The following COL4A6 variants were observed in gnomAD, a reference collection of about 807,000 sequenced individuals.
COL4A6 encodes the protein collagen type IV alpha 6 chain.
A neutral mutation model predicts 126.7 loss-of-function variants in COL4A6; 59 were observed. That is an observed-to-expected ratio of 0.47 (90% confidence interval 0.38 to 0.58). The LOEUF (loss-of-function observed/expected upper bound fraction) is 0.58, where lower values mean the gene tolerates loss of function less well. Ranked by LOEUF, COL4A6 falls within the 20% of genes least tolerant of loss-of-function variation. COL4A6 has a pLI of 0.00. For synonymous variants in COL4A6, 547 were observed against 496.6 expected, an observed-to-expected ratio of 1.10 and a Z score of -1.35; for missense variants, 1,285 against 1,337.3, an observed-to-expected ratio of 0.96 and a Z score of 0.61.
At chrX:108,413,387 G>A (rs2041367606) in intron 2 of COL4A6, among the ~76,000 whole-genome samples, 1 of 112,187 alleles carries the variant, frequency 8.9e-6, no homozygotes, top group African/African-American at 3.2e-5. Context: ...GATTCAGCAT[G>A]TTCTTTAGGA....
chrX:108,240,917 G>GA lies in COL4A6; in HGVS notation c.145-19544dup, dbSNP rs912382318. Among the ~76,000 whole-genome samples the GA allele has an allele frequency of 2.7e-5, 3 of 111,507 alleles. No homozygotes were observed. In the Admixed American group the frequency reaches 2.9e-4, roughly 11 times the overall value. On this transcript the variant is annotated intron_variant, in intron 3 of 44. Coordinates refer to ENST00000334504, the MANE Select transcript of COL4A6 (RefSeq NM_033641.4). ...TCCCCAAATTAACTTATGAAAAATG[G>GA]AGGGGGAAGTATCTCTGAAACTGAA...
chrX:108,157,096 C>T lies in COL4A6; in HGVS notation c.4977G>A (p.Arg1659=), dbSNP rs1318725182. Residue 1659 remains arginine (R), a synonymous_variant, in exon 45 of 45, where the codon AGG becomes AGA. Coordinates refer to ENST00000334504, the MANE Select transcript of COL4A6 (RefSeq NM_033641.4). ...YSFWLTTVEE[R]QQFGELPVSE... ...ACACAGGCAACTCCCCAAACTGCTG[C>T]CTCTCCTCCACTGTGGTCAACCAGA... is the stretch of plus-strand genomic sequence containing the variant. The T allele has an allele frequency of 8.3e-7, 1 of 1,211,909 alleles. No individual in the cohort carries two copies. Among genetic ancestry groups the T allele is most frequent in the Admixed American group, 2.2e-5 (1 of 46,061 alleles).
chrX:108,382,384 A>G (rs1258295855), intron 2 of COL4A6, among the ~76,000 whole-genome samples: 1 of 111,834 alleles, frequency 8.9e-6, no homozygotes, highest in African/African-American at 3.3e-5. Flanking sequence ...TGCCTGGCAC[A>G]TAATAAGTAC....
chrX:108,383,400 A>G (rs2040607131), intron 2 of COL4A6: 2 of 482,863 alleles, frequency 4.1e-6, no homozygotes, highest in Non-Finnish European at 7.8e-6. Context: ...ACCCTGACTC[A>G]AGCAGCATCC....
intron 2 of COL4A6, among the ~76,000 whole-genome samples, chrX:108,317,207 G>C (rs1049603219): frequency 3.6e-5 from 4 of 112,251 alleles, no homozygotes; most frequent in African/African-American, 1.3e-4. Context: ...GATTGGATGT[G>C]GGATGTGACT....
chrX:108,165,659 C>T (rs1469911039), intron 37 of COL4A6, among the ~76,000 whole-genome samples, 173 bp from the exon 38 acceptor site: 1 of 111,838 alleles, frequency 8.9e-6, no homozygotes, highest in African/African-American at 3.2e-5. Context: ...TCCCAGAAAG[C>T]AGACTAACTG....
chrX:108,189,691 C>T (rs1190740769), intron 20 of COL4A6, among the ~76,000 whole-genome samples: 1 of 112,365 alleles, frequency 8.9e-6, no homozygotes, highest in Non-Finnish European at 1.9e-5. Flanking sequence ...CATTTCTTAA[C>T]CAGACTCTAT....
intron 3 of COL4A6, among the ~76,000 whole-genome samples, chrX:108,284,218 A>G (rs2037938524): frequency 9.1e-6 from 1 of 109,686 alleles, no homozygotes; most frequent in Non-Finnish European, 1.9e-5. Flanking sequence ...ACTTAAAGAC[A>G]ACTGACACTG....
chrX:108,350,112 A>T (rs747609622), intron 2 of COL4A6, among the ~76,000 whole-genome samples: 14 of 111,890 alleles, frequency 1.3e-4, no homozygotes, highest in African/African-American at 3.9e-4. Context: ...AGATGGGAGA[A>T]ATTCTGTTGA....
intron 13 of COL4A6, 27 bp downstream of exon 13, chrX:108,202,901 A>G: frequency 8.5e-7 from 1 of 1,174,936 alleles, no homozygotes; most frequent in African/African-American, 1.8e-5. Context: ...ACCCTTGTAT[A>G]CATATTGATC....
chrX:108,312,276 A>ACTTTAT (rs2038781391), intron 2 of COL4A6, among the ~76,000 whole-genome samples: 1 of 112,262 alleles, frequency 8.9e-6, no homozygotes, highest in Non-Finnish European at 1.9e-5. Flanking sequence ...ATCTCTTTAG[A>ACTTTAT]CATTCCCACA....
intron 7 of COL4A6, among the ~76,000 whole-genome samples, chrX:108,211,119 C>G (rs2035688751): frequency 8.9e-6 from 1 of 111,832 alleles, no homozygotes; most frequent in Admixed American, 9.5e-5. Flanking sequence ...TCAGGCAACA[C>G]AGTCACAAGA....
At chrX:108,277,772 C>T (rs1225334480) in intron 3 of COL4A6, among the ~76,000 whole-genome samples, 1 of 110,984 alleles carries the variant, frequency 9.0e-6, no homozygotes. Context: ...CTCACATGGC[C>T]GGGTACTCCT....
At chrX:108,214,655 A>G (rs1447755055) in intron 5 of COL4A6, among the ~76,000 whole-genome samples, 1 of 112,320 alleles carries the variant, frequency 8.9e-6, no homozygotes, top group Non-Finnish European at 1.9e-5. Context: ...TCAGTATTGG[A>G]AGCTCTGCAT....
chrX:108,383,441 G>A, intron 2 of COL4A6: 1 of 496,438 alleles, frequency 2.0e-6, no homozygotes, highest in Non-Finnish European at 3.8e-6. Flanking sequence ...GGCTATCCCT[G>A]TGCCTCCTAC....
chrX:108,204,904 AT>A (rs748306819), intron 11 of COL4A6, among the ~76,000 whole-genome samples: 18 of 110,389 alleles, frequency 1.6e-4, no homozygotes, highest in Non-Finnish European at 3.4e-4. Flanking sequence ...TGAAATCACA[AT>A]GCAATTTGTA....
chrX:108,209,912 G>T, intron 8 of COL4A6, 57 bp downstream of exon 8: 3 of 1,152,833 alleles, frequency 2.6e-6, no homozygotes, highest in Non-Finnish European at 3.5e-6. Context: ...GAACGAAAAT[G>T]CACCATTAGT....
rs2033737128 is a variant in COL4A6 at position 108,156,322 on chromosome X, A to AGAT, written c.*675_*677dup. 2 of 111,584 alleles carry AGAT rather than the reference A, an allele frequency of 1.8e-5. No homozygotes were observed. Among genetic ancestry groups the AGAT allele is most frequent in the African/African-American group, 6.5e-5 (2 of 30,641 alleles). The allele number at this position is 111,584 out of a possible 1,213,427, so 9.2% of individuals were successfully genotyped here. A position where few individuals can be genotyped will look rare whatever the true frequency, so the allele number is the denominator to read the frequency against. On this transcript the variant is annotated 3_prime_UTR_variant, in exon 45 of 45. Transcript: ENST00000334504. ...GCTGGAGGGGGAGCCGGCAAGGAGGAGATGGTTTGTCTAGGACCATATGCC... is the reference window on the plus strand; with the variant it reads ...GCTGGAGGGGGAGCCGGCAAGGAGGAGATGATGGTTTGTCTAGGACCATATGCC...
At chrX:108,363,291 G>A (rs1052951284) in intron 2 of COL4A6, among the ~76,000 whole-genome samples, 3 of 111,679 alleles carry the variant, frequency 2.7e-5, no homozygotes, top group African/African-American at 9.8e-5. Flanking sequence ...GAATCAATTG[G>A]CATTCTACAA....
Sources: gnomAD v4.1 joint callset for allele counts (sites outside exome capture counted in the v4.1 genomes callset) on GRCh38, gnomAD v4.1.1 for gene constraint, MANE v1.5 for transcripts, NCBI Gene and HGNC (gene_info 2026-07-23, HGNC 2026-07-21) for gene names.